Variants in CDH13 observed in about 807,000 individuals in gnomAD.
CDH13 encodes the protein cadherin 13, also known as cadherin-13.
A neutral mutation model predicts 63.8 loss-of-function variants in CDH13; 24 were observed. That is an observed-to-expected ratio of 0.38 (90% CI 0.27 to 0.53). The LOEUF is 0.53. Ranked by LOEUF, CDH13 falls within the 20% of genes least tolerant of loss-of-function variation. The probability of loss-of-function intolerance (pLI) is 0.85; values close to 1 mark genes in which losing one functional copy is unlikely to be tolerated. For synonymous variants in CDH13, 503 were observed against 355.3 expected, an observed-to-expected ratio of 1.42 and a Z score of -4.67; for missense variants, 1,049 against 903.1, an observed-to-expected ratio of 1.16 and a Z score of -2.07.
At chr16:83,292,842 CATAAT>C (rs747981550) in intron 5 of CDH13, among the ~76,000 whole-genome samples, 68 of 152,190 alleles carry the variant, frequency 4.5e-4, no homozygotes, top group Non-Finnish European at 8.4e-4. Flanking sequence ...ACTTGCATGG[CATAAT>C]ATATTAATAA....
intron 5 of CDH13, among the ~76,000 whole-genome samples, chr16:83,251,819 C>T (rs974306243): frequency 2.6e-5 from 4 of 152,072 alleles, no homozygotes; most frequent in Admixed American, 1.3e-4. Flanking sequence ...TGCAAAGTCA[C>T]CTGGCAGAGG....
intron 1 of CDH13, among the ~76,000 whole-genome samples, chr16:82,721,053 G>A (rs941529571): frequency 2.6e-5 from 4 of 152,204 alleles, no homozygotes; most frequent in African/African-American, 9.6e-5. Flanking sequence ...CATAATGGAA[G>A]TATAACCAGG....
At chr16:83,300,030 A>G (rs1020609607) in intron 5 of CDH13, among the ~76,000 whole-genome samples, 2 of 152,214 alleles carry the variant, frequency 1.3e-5, no homozygotes, top group Admixed American at 1.3e-4. Flanking sequence ...TCGTCACAGG[A>G]GTAATATCCC....
At chr16:83,278,950 T>G (rs576079678) in intron 5 of CDH13, among the ~76,000 whole-genome samples, 2 of 152,306 alleles carry the variant, frequency 1.3e-5, no homozygotes, top group East Asian at 3.9e-4. Flanking sequence ...TGGATAGAAA[T>G]ACAGAAAGCA....
At chr16:83,306,508 T>A (rs2089882781) in intron 5 of CDH13, among the ~76,000 whole-genome samples, 1 of 152,196 alleles carries the variant, frequency 6.6e-6, no homozygotes, top group East Asian at 1.9e-4. Flanking sequence ...ATGTGCCCAC[T>A]TCCCCTTTGA....
intron 4 of CDH13, among the ~76,000 whole-genome samples, chr16:83,191,458 AATAT>A (rs57044100): frequency 0.027 from 2,134 of 80,498 alleles, 68 homozygotes; most frequent in East Asian, 0.15. Flanking sequence ...ACTAATAGGA[AATAT>A]ATATATATAT....
At chr16:83,436,074 A>G (rs1244814960) in intron 6 of CDH13, among the ~76,000 whole-genome samples, 2 of 152,304 alleles carry the variant, frequency 1.3e-5, no homozygotes, top group African/African-American at 4.8e-5. Context: ...GTGCCGCTTC[A>G]TATCCTGTAG....
chr16:83,729,421 C>T (rs537201625), intron 10 of CDH13, among the ~76,000 whole-genome samples: 38 of 152,026 alleles, frequency 2.5e-4, no homozygotes, highest in Admixed American at 3.9e-4. Context: ...ATTTGCAAAA[C>T]AAATATAGGC....
intron 7 of CDH13, among the ~76,000 whole-genome samples, chr16:83,538,147 A>G (rs747166290): frequency 9.2e-5 from 14 of 152,230 alleles, no homozygotes; most frequent in Non-Finnish European, 1.5e-4. Context: ...GAAGGCCATA[A>G]TAGAAATGTG....
At chr16:83,662,665 C>G (rs1195866295) in intron 8 of CDH13, among the ~76,000 whole-genome samples, 1 of 152,042 alleles carries the variant, frequency 6.6e-6, no homozygotes, top group Non-Finnish European at 1.5e-5. Flanking sequence ...TTTTTCATAA[C>G]AAGATGTGAA....
intron 1 of CDH13, among the ~76,000 whole-genome samples, chr16:82,786,813 G>A (rs2036038838): frequency 6.6e-6 from 1 of 152,020 alleles, no homozygotes; most frequent in Non-Finnish European, 1.5e-5. Flanking sequence ...CTTCATTCAT[G>A]TCCCTACAAA....
chr16:83,087,473 G>A (rs1049989298), intron 3 of CDH13, among the ~76,000 whole-genome samples: 9 of 151,936 alleles, frequency 5.9e-5, no homozygotes, highest in Admixed American at 4.6e-4. Context: ...TTCGAGACCA[G>A]CCTACCCAAC....
At chr16:83,792,235 A>G (rs1358277241) in intron 13 of CDH13, among the ~76,000 whole-genome samples, 1 of 152,244 alleles carries the variant, frequency 6.6e-6, no homozygotes, top group Non-Finnish European at 1.5e-5. Flanking sequence ...GTGACATGAC[A>G]TTATGGACAA....
chr16:82,724,135 A>C (rs973067521), intron 1 of CDH13, among the ~76,000 whole-genome samples: 2 of 152,142 alleles, frequency 1.3e-5, no homozygotes, highest in Admixed American at 1.3e-4. Context: ...TGTGCAGGGT[A>C]AAGAGGTTTT....
chr16:83,602,082 C>CAAAAAAAAAA (rs576973198), intron 7 of CDH13, among the ~76,000 whole-genome samples: 4 of 32,294 alleles, frequency 1.2e-4, no homozygotes, highest in African/African-American at 1.6e-4. Context: ...GACTCTGTCT[C>CAAAAAAAAAA]AAAAAAAAAA....
chr16:83,050,606 T>C (rs2030204656), intron 3 of CDH13, among the ~76,000 whole-genome samples: 1 of 152,260 alleles, frequency 6.6e-6, no homozygotes, highest in African/African-American at 2.4e-5. Context: ...CCTCAACAAT[T>C]TTATCCAACC....
intron 3 of CDH13, among the ~76,000 whole-genome samples, chr16:83,112,588 A>T (rs2035109720): frequency 6.6e-6 from 1 of 152,190 alleles, no homozygotes; most frequent in Admixed American, 6.5e-5. Context: ...TAATGTGGTT[A>T]CTTCCTTTTT....
At position 83,551,127 on chromosome 16, in the gene CDH13, G is replaced by T. The variant is rs554946415; in HGVS notation, c.961-51327G>T. 9.1e-4 allele frequency among the ~76,000 whole-genome samples: 137 copies of T among 150,792 alleles called. 2 individuals carry two copies. Among genetic ancestry groups the T allele is most frequent in the African/African-American group, 3.1e-3 (126 of 40,874 alleles). On this transcript the variant is annotated intron_variant, in intron 7 of 13. Transcript: ENST00000567109. ...GACAGCTTCTCACTCCATCATCCAG[G>T]CTGGTGTACAGTGGCATGATCTCAG...
At chr16:82,654,069 C>G (rs1014560931) in intron 1 of CDH13, among the ~76,000 whole-genome samples, 1 of 152,124 alleles carries the variant, frequency 6.6e-6, no homozygotes, top group South Asian at 2.1e-4. Context: ...CCCCTTATGA[C>G]ATAAAGCCGC....
Sources: gnomAD v4.1 joint callset for allele counts (sites outside exome capture counted in the v4.1 genomes callset) on GRCh38, gnomAD v4.1.1 for gene constraint, MANE v1.5 for transcripts, NCBI Gene and HGNC (gene_info 2026-07-23, HGNC 2026-07-21) for gene names.